Variants in TASOR2 observed in about 807,000 individuals in gnomAD.
TASOR2 encodes the protein transcription activation suppressor family member 2.
Under a neutral mutation model 199.5 loss-of-function variants are expected in TASOR2, and 84 were observed. The ratio of observed to expected loss-of-function variants is 0.42; its 90% CI spans 0.35 to 0.50. TASOR2 has a LOEUF of 0.50. TASOR2 is among the 20% of genes least tolerant of loss of function. TASOR2 has a pLI of 0.02. For missense variants in TASOR2, 2,796 were observed against 2,835.9 expected (o/e 0.99, Z 0.32); for synonymous variants, 1,103 against 1,046.6 (o/e 1.05, Z -1.04).
Position 5,748,278 on chromosome 10 carries a change from T to G in TASOR2, c.4857T>G (p.Phe1619Leu). Residue 1619 changes from phenylalanine (F) to leucine (L), a missense_variant, in exon 15 of 21, where the codon TTT becomes TTG. Coordinates refer to ENST00000328090, the Ensembl canonical transcript of TASOR2. The surrounding 1 kb of genome is among the most constrained non-coding windows in gnomAD (Gnocchi z 5.1). The stretch of plus-strand genomic sequence containing the variant: ...CTAAAAGCAGTCAGAACCATCTCTT[T>G]CCCGGTGATTTGAAAACAGATGAAG... 1 of 1,614,174 alleles carries G rather than the reference T, an allele frequency of 6.2e-7. No homozygotes were observed. The highest frequency in any genetic ancestry group is 1.1e-5 in the South Asian group (1 of 91,080).
In TASOR2 at chr10:5,745,578, G is replaced by C. The variant is rs374446930; in HGVS notation, c.2758-601G>C. 1.8e-4 allele frequency among the ~76,000 whole-genome samples: 28 copies of C among 152,190 alleles called. No homozygotes were observed. The East Asian group carries it at 5.0e-3, about 27-fold the overall frequency. The stretch of plus-strand genomic sequence containing the variant: ...GTGGATCACTTGAGGTCAGGAGTTT[G>C]AGACCAGCCTGGCCAACGTGGCTAA... On this transcript the variant is annotated intron_variant, in intron 14 of 20. Coordinates refer to ENST00000328090, the Ensembl canonical transcript of TASOR2.
chr10:5,761,808 C>T lies in TASOR2; in HGVS notation c.7174+337C>T, dbSNP rs180867309. ...CAGCACTTTGGGAGGCCGAGGCGGG[C>T]GGATCACTTGAGGTCAGGAGTTAGA... On this transcript the variant is annotated intron_variant, in intron 19 of 20. Coordinates refer to ENST00000328090, the Ensembl canonical transcript of TASOR2. 6.2e-3 allele frequency: 1,030 copies of T among 167,452 alleles called. 18 individuals are homozygous for T. Among genetic ancestry groups the T allele is most frequent in the African/African-American group, 0.023 (975 of 41,504 alleles). 10.4% of individuals were successfully genotyped at this position (167,452 alleles called of 1,614,324 possible).
chr10:5,744,245 T>C (rs1836841149), intron 14 of TASOR2, among the ~76,000 whole-genome samples: 1 of 152,316 alleles, frequency 6.6e-6, no homozygotes, highest in Non-Finnish European at 1.5e-5. Flanking sequence ...TCTAATACTT[T>C]GTTCTCTTAA....
chr10:5,722,366 G>A lies in TASOR2; in HGVS notation c.147-1311G>A, dbSNP rs1833477802. On this transcript the variant is annotated intron_variant, in intron 6 of 20. Transcript: ENST00000328090. This position sits in a 1 kb window ranked among gnomAD's most constrained non-coding sequence, Gnocchi z 4.0. ...AGCTACTGGGGACGCTGAGGCAGGA[G>A]AATCACTTGAACCTGGGAGGTGGAG... 6.6e-6 allele frequency among the ~76,000 whole-genome samples: 1 copy of A among 152,120 alleles called. No homozygotes were observed. Among genetic ancestry groups the A allele is most frequent in the South Asian group, 2.1e-4 (1 of 4,830 alleles).
intron 16 of TASOR2, 100 bp from the exon 18 acceptor site, chr10:5,757,420 T>C: frequency 8.5e-7 from 1 of 1,183,084 alleles, no homozygotes; most frequent in Non-Finnish European, 1.2e-6. Flanking sequence ...TTTTCAGTTG[T>C]TCCTGAACCT....
chr10:5,735,276 T>C, intron 11 of TASOR2, 28 bp from the exon 13 acceptor site: 2 of 1,601,216 alleles, frequency 1.2e-6, no homozygotes, highest in South Asian at 1.1e-5. Flanking sequence ...CCCTACCCCT[T>C]ACAAAAATGA....
At position 5,751,718 on chromosome 10, in the gene TASOR2, A is replaced by G. The variant is rs551357300; in HGVS notation, c.6606+1691A>G. 6.6e-6 allele frequency among the ~76,000 whole-genome samples: 1 copy of G among 152,320 alleles called. No individual in the cohort carries two copies. Among genetic ancestry groups the G allele is most frequent in the African/African-American group, 2.4e-5 (1 of 41,578 alleles). On this transcript the variant is annotated intron_variant, in intron 15 of 20. Coordinates refer to ENST00000328090, the Ensembl canonical transcript of TASOR2. The surrounding 1 kb of genome is among the most constrained non-coding windows in gnomAD (Gnocchi z 5.3). ...GTGAAGAATGGCATTTAGAACCACC[A>G]TCTAGGCACTGCGTGAATGAACTCA...
chr10:5,744,828 C>T (rs1346792717), intron 14 of TASOR2, among the ~76,000 whole-genome samples: 1 of 152,176 alleles, frequency 6.6e-6, no homozygotes, highest in Non-Finnish European at 1.5e-5. Context: ...TAGGTTTCGC[C>T]ATGTTGGCCA....
chr10:5,690,370 A>G lies in TASOR2; in HGVS notation c.-288+5195A>G, dbSNP rs1220204729. ...ATAAAGATTCACTACCCTCCTTGGC[A>G]TGGTGAAATAGACCCTGTTTAGAAC... is the stretch of plus-strand genomic sequence containing the variant. On this transcript the variant is annotated intron_variant, in intron 1 of 20. Transcript: ENST00000328090. This position sits in a 1 kb window ranked among gnomAD's most constrained non-coding sequence, Gnocchi z 4.8. Among the ~76,000 whole-genome samples the G allele has an allele frequency of 1.3e-5, 2 of 152,216 alleles. No individual in the cohort carries two copies. The highest frequency in any genetic ancestry group is 2.9e-5 in the Non-Finnish European group (2 of 68,046).
chr10:5,714,321 A>C, intron 2 of TASOR2, 114 bp downstream of exon 3: 2 of 529,650 alleles, frequency 3.8e-6, no homozygotes, highest in Non-Finnish European at 5.7e-6. Flanking sequence ...ATTAAATGTC[A>C]AACAGTTCAT....
intron 1 of TASOR2, chr10:5,692,808 C>A (rs762119895): frequency 6.6e-6 from 1 of 152,214 alleles, no homozygotes; most frequent in Non-Finnish European, 1.5e-5. Flanking sequence ...ACGCTCAGCA[C>A]GCCCTGCGCG....
intron 2 of TASOR2, 180 bp from the exon 3 acceptor site, chr10:5,713,955 T>G: frequency 5.7e-6 from 2 of 352,510 alleles, no homozygotes; most frequent in Non-Finnish European, 5.0e-6. Flanking sequence ...AATCTCAGCA[T>G]TTTGGGAGGC....
At position 5,685,051 on chromosome 10, in the gene TASOR2, G is replaced by C. The variant is rs1835651069; in HGVS notation, c.-412G>C. 2.5e-6 allele frequency: 1 copy of C among 398,012 alleles called. No homozygotes were observed. Among genetic ancestry groups the C allele is most frequent in the Non-Finnish European group, 4.4e-6 (1 of 225,586 alleles). The allele number at this position is 398,012 out of a possible 1,614,324, so 24.7% of individuals were successfully genotyped here. On this transcript the variant is annotated 5_prime_UTR_variant, in exon 1 of 21. Coordinates refer to ENST00000328090, the Ensembl canonical transcript of TASOR2. This position sits in a 1 kb window ranked among gnomAD's most constrained non-coding sequence, Gnocchi z 5.4. The stretch of plus-strand genomic sequence containing the variant: ...CGCGGGAGCGCGGAGCCGGCGACTG[G>C]TGCTTCCCACGTGCGCCGGTGTCGC...
Position 5,730,191 on chromosome 10 carries a change from TG to T in TASOR2, c.488-295del, listed in dbSNP as rs1780400399. Among the ~76,000 whole-genome samples the T allele has an allele frequency of 6.6e-6, 1 of 152,188 alleles. No homozygotes were observed. Among genetic ancestry groups the T allele is most frequent in the Non-Finnish European group, 1.5e-5 (1 of 68,034 alleles). Reference sequence around the variant, plus strand: ...TGAACCATTGAGCTCATGAGCTCCTTGTTAGGTGAGATGGAGCTGGAGGCAG... The same window carrying T: ...TGAACCATTGAGCTCATGAGCTCCTTTTAGGTGAGATGGAGCTGGAGGCAG... On this transcript the variant is annotated intron_variant, in intron 10 of 20. Coordinates refer to ENST00000328090, the Ensembl canonical transcript of TASOR2. This position sits in a 1 kb window ranked among gnomAD's most constrained non-coding sequence, Gnocchi z 4.1.
rs1402251653 is a variant in TASOR2 at position 5,742,918 on chromosome 10, TTAAAG to T, written c.2757+397_2757+401del. Among the ~76,000 whole-genome samples, 7 of 152,252 alleles carry T rather than the reference TTAAAG, an allele frequency of 4.6e-5. No individual in the cohort carries two copies. Among genetic ancestry groups the T allele is most frequent in the Admixed American group, 2.0e-4 (3 of 15,288 alleles). Reference sequence around the variant, plus strand: ...AATCTTAGATATACTTTGATAAACCTTAAAGTAAACTAAAATTAATTGTATTAAAA... The same window carrying T: ...AATCTTAGATATACTTTGATAAACCTTAAACTAAAATTAATTGTATTAAAA... On this transcript the variant is annotated intron_variant, in intron 14 of 20. Transcript: ENST00000328090. This position sits in a 1 kb window ranked among gnomAD's most constrained non-coding sequence, Gnocchi z 4.2.
intron 1 of TASOR2, among the ~76,000 whole-genome samples, chr10:5,700,819 C>T (rs1394742362): frequency 1.0e-4 from 15 of 143,568 alleles, no homozygotes; most frequent in African/African-American, 3.3e-4. Flanking sequence ...TGTGTGTTTG[C>T]TTGCTTGCTT....
rs1388903746 is a variant in TASOR2 at position 5,719,279 on chromosome 10, A to C, written c.-99-1265A>C. ...GTCTTATGTCATTGTATTATTCAAA[A>C]CAGCTTTTAAAATCATTGCATATTT... On this transcript the variant is annotated intron_variant, in intron 3 of 20. Transcript: ENST00000328090. This position sits in a 1 kb window ranked among gnomAD's most constrained non-coding sequence, Gnocchi z 4.1. Among the ~76,000 whole-genome samples the C allele has an allele frequency of 6.6e-6, 1 of 152,194 alleles. No homozygotes were observed. The highest frequency in any genetic ancestry group is 1.9e-4 in the East Asian group (1 of 5,200).
rs1837880736 is a variant in TASOR2 at position 5,750,474 on chromosome 10, AAATTT to A, written c.6606+450_6606+454del. Among the ~76,000 whole-genome samples, 2 of 152,216 alleles carry A rather than the reference AAATTT, an allele frequency of 1.3e-5. No homozygotes were observed. Among genetic ancestry groups the A allele is most frequent in the Non-Finnish European group, 2.9e-5 (2 of 68,040 alleles). The stretch of plus-strand genomic sequence containing the variant: ...TGAGTACATGGAGTACATAGTCCTT[AAATTT>A]AAGTAATGGAACCATGGTGAAATTC... On this transcript the variant is annotated intron_variant, in intron 15 of 20. Coordinates refer to ENST00000328090, the Ensembl canonical transcript of TASOR2. The surrounding 1 kb of genome is among the most constrained non-coding windows in gnomAD (Gnocchi z 5.4).
At chr10:5,708,606 T>TCCCTC (rs1831460084) in intron 1 of TASOR2, among the ~76,000 whole-genome samples, 2 of 47,126 alleles carry the variant, frequency 4.2e-5, no homozygotes, top group African/African-American at 7.9e-5. Flanking sequence ...ATCTCTTCCT[T>TCCCTC]CCTCCCTCCC....
Sources: allele counts gnomAD v4.1 joint callset (sites outside exome capture counted in the v4.1 genomes callset), GRCh38; gene constraint gnomAD v4.1.1; non-coding constraint Gnocchi (gnomAD v3.1); transcripts MANE v1.5; gene names NCBI Gene and HGNC (gene_info 2026-07-23, HGNC 2026-07-21).